RYR2: variants seen among roughly 807,000 people sequenced by gnomAD.
RYR2 encodes ryanodine receptor 2.
Under a neutral mutation model 601.1 loss-of-function variants are expected in RYR2, and 227 were observed. That is an observed-to-expected ratio of 0.38 (90% CI 0.34 to 0.42). RYR2 has a LOEUF of 0.42. Ranked by LOEUF, RYR2 falls within the 10% of genes least tolerant of loss-of-function variation. RYR2 has a pLI of 1.00. For missense variants in RYR2, 4,646 were observed against 6,156.5 expected (o/e 0.75, Z 8.21); for synonymous variants, 2,223 against 2,175.1 (o/e 1.02, Z -0.61).
intron 2 of RYR2, among the ~76,000 whole-genome samples, chr1:237,328,863 T>C (rs1001007448): frequency 6.6e-6 from 1 of 152,204 alleles, no homozygotes; most frequent in African/African-American, 2.4e-5. Flanking sequence ...TGCATCAGCT[T>C]ATCAAATTTA....
intron 94 of RYR2, among the ~76,000 whole-genome samples, chr1:237,793,272 A>G (rs115931783): frequency 6.6e-6 from 1 of 152,182 alleles, no homozygotes; most frequent in Non-Finnish European, 1.5e-5. Flanking sequence ...CCAGAATATC[A>G]GTGTCTATCT....
intron 1 of RYR2, among the ~76,000 whole-genome samples, chr1:237,164,478 C>A (rs372117812): frequency 6.6e-6 from 1 of 152,052 alleles, no homozygotes; most frequent in Non-Finnish European, 1.5e-5. Flanking sequence ...GACAAATATT[C>A]AAGGTTGGGC....
chr1:237,637,957 C>T (rs80315247), intron 44 of RYR2, among the ~76,000 whole-genome samples: 1,776 of 152,060 alleles, frequency 0.012, 17 homozygotes, highest in Middle Eastern at 0.021. Flanking sequence ...GAAGGCACCG[C>T]GGGCTGAGGC....
intron 2 of RYR2, among the ~76,000 whole-genome samples, chr1:237,275,374 A>G (rs1156819085): frequency 6.6e-6 from 1 of 152,242 alleles, no homozygotes; most frequent in South Asian, 2.1e-4. Context: ...CAGAAAGGGA[A>G]AAATAAAAGG....
At chr1:237,298,828 C>T (rs958154156) in intron 2 of RYR2, among the ~76,000 whole-genome samples, 2 of 151,922 alleles carry the variant, frequency 1.3e-5, no homozygotes, top group Non-Finnish European at 2.9e-5. Context: ...GGCAAGACCC[C>T]GTTTCTACAA....
intron 8 of RYR2, among the ~76,000 whole-genome samples, chr1:237,383,026 G>A (rs941778564): frequency 2.0e-5 from 3 of 151,666 alleles, no homozygotes; most frequent in African/African-American, 2.4e-5. Context: ...CACCAGGGCC[G>A]AAGTACCTGA....
intron 34 of RYR2, among the ~76,000 whole-genome samples, chr1:237,598,208 A>G (rs1377385982): frequency 6.6e-6 from 1 of 152,234 alleles, no homozygotes; most frequent in East Asian, 1.9e-4. Flanking sequence ...TCAATGCAAC[A>G]ATAGTAGGGA....
intron 78 of RYR2, among the ~76,000 whole-genome samples, chr1:237,732,363 TAAC>T (rs1037868664): frequency 6.6e-6 from 1 of 152,216 alleles, no homozygotes; most frequent in African/African-American, 2.4e-5. Flanking sequence ...TAGTTTTTCT[TAAC>T]AACTTTGTAA....
intron 1 of RYR2, among the ~76,000 whole-genome samples, chr1:237,132,157 T>C (rs1157504074): frequency 6.6e-6 from 1 of 152,234 alleles, no homozygotes; most frequent in Admixed American, 6.5e-5. Flanking sequence ...TTTGCCTTGC[T>C]CTCTGTTTGG....
At chr1:237,532,699 C>A (rs1002745100) in intron 25 of RYR2, among the ~76,000 whole-genome samples, 1 of 152,074 alleles carries the variant, frequency 6.6e-6, no homozygotes, top group African/African-American at 2.4e-5. Context: ...TCTTTGACAG[C>A]ATAATACATT....
intron 35 of RYR2, among the ~76,000 whole-genome samples, chr1:237,605,477 G>A (rs149953718): frequency 0.35 from 52,902 of 152,010 alleles, 11,022 homozygotes; most frequent in Admixed American, 0.48. Flanking sequence ...TACTGAATGG[G>A]CAAAAACTGG....
intron 98 of RYR2, 31 bp downstream of exon 98, chr1:237,801,947 T>A: frequency 7.3e-7 from 1 of 1,368,072 alleles, no homozygotes; most frequent in Non-Finnish European, 1.0e-6. Flanking sequence ...CAAAAGAAAA[T>A]GCACTCTGAT....
chr1:237,593,352 C>A (rs564777054), intron 32 of RYR2, 124 bp from the exon 33 acceptor site: 4 of 862,184 alleles, frequency 4.6e-6, no homozygotes, highest in South Asian at 2.7e-5. Context: ...TTCACCCAAA[C>A]GGTTTTAAAC....
Position 237,699,018 on chromosome 1 carries a change from G to A in RYR2, c.9121G>A (p.Asp3041Asn). Residue 3041 changes from aspartate to asparagine, a missense_variant, in exon 64 of 105, where the codon GAT becomes AAT. This residue lies in a region of RYR2 where 1,497 missense variants were observed against 1,842.6 expected (regional missense o/e 0.81). Transcript: ENST00000366574. ...NCLHILGQTLDARTVMKTGLE... is the reference protein window; with the variant it reads ...NCLHILGQTLNARTVMKTGLE... ...TCTTCATATTTTGGGTCAGACTTTG[G>A]ATGCAAGGTAAATGGATACATTTTT... The A allele has an allele frequency of 6.6e-7, 1 of 1,509,766 alleles. No homozygotes were observed. Among genetic ancestry groups the A allele is most frequent in the Non-Finnish European group, 9.0e-7 (1 of 1,106,036 alleles). 93.5% of individuals were successfully genotyped at this position (1,509,766 alleles called of 1,614,324 possible).
intron 58 of RYR2, among the ~76,000 whole-genome samples, chr1:237,669,476 C>T (rs1347324521): frequency 6.7e-6 from 1 of 150,256 alleles, no homozygotes; most frequent in African/African-American, 2.4e-5. Context: ...CCCCTCACCT[C>T]CCGGACGGGG....
At position 237,145,396 on chromosome 1, in the gene RYR2, C is replaced by G. The variant is rs548024296; in HGVS notation, c.48+102827C>G. ...GAATATATAAGCATATATCCATTCT[C>G]CTGTCTGTGGACAACTGGGTTGTTC... On this transcript the variant is annotated intron_variant, in intron 1 of 104. Coordinates refer to ENST00000366574, the MANE Select transcript of RYR2 (RefSeq NM_001035.3). Among the ~76,000 whole-genome samples the G allele has an allele frequency of 3.3e-5, 5 of 152,286 alleles. No individual in the cohort carries two copies. The South Asian group carries it at 6.2e-4, about 19-fold the overall frequency.
chr1:237,814,755 G>A (rs1276843164), intron 100 of RYR2, among the ~76,000 whole-genome samples: 1 of 152,010 alleles, frequency 6.6e-6, no homozygotes, highest in Non-Finnish European at 1.5e-5. Context: ...CATCTCAGAT[G>A]GAGAGGGACC....
intron 41 of RYR2, among the ~76,000 whole-genome samples, chr1:237,628,871 T>A (rs1679960592): frequency 6.6e-6 from 1 of 152,062 alleles, no homozygotes; most frequent in Non-Finnish European, 1.5e-5. Flanking sequence ...CTTGTCTTTA[T>A]CTATTGGGCC....
At chr1:237,573,545 G>A (rs929153917) in intron 29 of RYR2, among the ~76,000 whole-genome samples, 1 of 148,770 alleles carries the variant, frequency 6.7e-6, no homozygotes, top group Non-Finnish European at 1.5e-5. Context: ...TTCTATAAAG[G>A]TACTGCTAGG....
Sources: gnomAD v4.1 joint callset for allele counts (sites outside exome capture counted in the v4.1 genomes callset) on GRCh38, gnomAD v4.1.1 for gene constraint, gnomAD v4.1.1 regional missense constraint, MANE v1.5 for transcripts, NCBI Gene and HGNC (gene_info 2026-07-23, HGNC 2026-07-21) for gene names.